The following GPAM variants were observed in gnomAD, a reference collection of about 807,000 sequenced individuals.
GPAM encodes glycerol-3-phosphate acyltransferase 1, mitochondrial.
Under a neutral mutation model 105.0 loss-of-function variants are expected in GPAM, and 56 were observed. That is an observed-to-expected ratio of 0.53 (90% CI 0.43 to 0.67). The LOEUF is 0.67. Among genes scored for constraint, GPAM ranks in the 30% least tolerant of loss-of-function variants. GPAM has a pLI of 0.00. For missense variants in GPAM, 855 were observed against 989.8 expected (o/e 0.86, Z 1.83); for synonymous variants, 368 against 354.4 (o/e 1.04, Z -0.43).
intron 18 of GPAM, 103 bp from the exon 19 acceptor site, chr10:112,157,492 G>C: frequency 9.6e-7 from 1 of 1,038,414 alleles, no homozygotes; most frequent in Non-Finnish European, 1.5e-6. Flanking sequence ...ACCCTTCCTG[G>C]CTCTTCTCTG....
chr10:112,191,917 T>C lies in GPAM; in HGVS notation n.211-9026A>G, dbSNP rs1043414606. 3.3e-5 allele frequency among the ~76,000 whole-genome samples: 5 copies of C among 151,986 alleles called. No homozygotes were observed. The East Asian group carries it at 9.7e-4, about 29-fold the overall frequency. On this transcript the variant is annotated intron_variant and non_coding_transcript_variant, in intron 1 of 3. Transcript: ENST00000480130. Reference sequence around the variant, plus strand: ...AAAAAGGGTGAAGATGGGGGGACTGTGAAGAATGACAGTCCAGCACCTTAG... The same window carrying C: ...AAAAAGGGTGAAGATGGGGGGACTGCGAAGAATGACAGTCCAGCACCTTAG...
chr10:112,215,653 C>CACAGCTTGAGTGTTCACATGGGGCAT (rs1847959824), upstream of GPAM, among the ~76,000 whole-genome samples: 1 of 152,106 alleles, frequency 6.6e-6, no homozygotes. Context: ...CGGAGGTGTC[C>CACAGCTTGAGTGTTCACATGGGGCAT]ACAGCTTGAG....
chr10:112,207,061 C>G (rs967852529), intron 1 of GPAM, among the ~76,000 whole-genome samples: 5 of 152,208 alleles, frequency 3.3e-5, no homozygotes, highest in African/African-American at 1.2e-4. Flanking sequence ...GTTTCTCAAA[C>G]TCAGGTAGAA....
At chr10:112,186,421 C>CAA (rs564478757), upstream of GPAM, among the ~76,000 whole-genome samples, 1 of 143,100 alleles carries the variant, frequency 7.0e-6, no homozygotes, top group Admixed American at 6.9e-5. Flanking sequence ...GTCTTTCAGG[C>CAA]AAAAAAAAAA....
chr10:112,208,849 G>A lies in GPAM; in HGVS notation n.210+6319C>T, dbSNP rs373509616. 4.6e-5 allele frequency among the ~76,000 whole-genome samples: 7 copies of A among 152,166 alleles called. 1 individual carries two copies. The highest frequency in any genetic ancestry group is 2.0e-4 in the Admixed American group (3 of 15,274). ...AGCAGGAAGGATAGACTCTCAAAACGAAGGGAAGTTCCTCAAATTGAATAC... is the reference window on the plus strand; with the variant it reads ...AGCAGGAAGGATAGACTCTCAAAACAAAGGGAAGTTCCTCAAATTGAATAC... On this transcript the variant is annotated intron_variant and non_coding_transcript_variant, in intron 1 of 3. Coordinates refer to the GPAM transcript ENST00000480130.
intron 2 of GPAM, 87 bp downstream of exon 2, chr10:112,182,707 T>C (rs1226922709): frequency 6.6e-6 from 1 of 152,242 alleles, no homozygotes. Flanking sequence ...GTCACTGTTA[T>C]TCTCGGCATA....
At chr10:112,202,588 T>G (rs917330544) in intron 1 of GPAM, among the ~76,000 whole-genome samples, 2 of 152,238 alleles carry the variant, frequency 1.3e-5, no homozygotes, top group Non-Finnish European at 2.9e-5. Context: ...TCAAATAATC[T>G]ATGACATTTT....
chr10:112,226,933 C>A, the GPAM span, among the ~76,000 whole-genome samples: 4 of 151,904 alleles, frequency 2.6e-5, no homozygotes, highest in African/African-American at 9.7e-5. Context: ...CCCTTTAGCA[C>A]AGAGCTTGGT....
At chr10:112,176,581 T>C (rs796871957) in intron 5 of GPAM, among the ~76,000 whole-genome samples, 34 of 152,336 alleles carry the variant, frequency 2.2e-4, no homozygotes, top group African/African-American at 7.5e-4. Flanking sequence ...TGCCATTCTC[T>C]TTTTCTTCCT....
At chr10:112,195,148 A>G (rs904537376) in intron 1 of GPAM, among the ~76,000 whole-genome samples, 2 of 152,058 alleles carry the variant, frequency 1.3e-5, no homozygotes, top group East Asian at 1.9e-4. Context: ...ACCATGCCAA[A>G]TACCCCCATA....
chr10:112,224,643 C>T, the GPAM span, among the ~76,000 whole-genome samples: 1 of 152,058 alleles, frequency 6.6e-6, no homozygotes, highest in Non-Finnish European at 1.5e-5. Flanking sequence ...GGGAAGGCAA[C>T]CTTGACATTT....
At chr10:112,161,468 G>A (rs1847121729) in intron 15 of GPAM, among the ~76,000 whole-genome samples, 199 bp downstream of exon 15, 1 of 152,174 alleles carries the variant, frequency 6.6e-6, no homozygotes, top group Non-Finnish European at 1.5e-5. Context: ...TAAGCAGTCT[G>A]TTTTGTTTTG....
rs1216153554 is a variant in GPAM, at chr10:112,182,786, C to T, written c.-30+8G>A. The T allele has an allele frequency of 6.6e-6, 1 of 152,164 alleles. No homozygotes were observed. The highest frequency in any genetic ancestry group is 2.4e-5 in the African/African-American group (1 of 41,434). 9.4% of individuals were successfully genotyped at this position (152,164 alleles called of 1,614,324 possible). A position where few individuals can be genotyped will look rare whatever the true frequency, so the allele number is the denominator to read the frequency against. ...TAACAGGCTAGGGGAGAGAATAAACCAATGCACCTGGGATGAAAGTTCTTC... is the reference window on the plus strand; with the variant it reads ...TAACAGGCTAGGGGAGAGAATAAACTAATGCACCTGGGATGAAAGTTCTTC... On this transcript the variant is annotated splice_region_variant and intron_variant, in intron 2 of 21. Transcript: ENST00000348367.
intron 1 of GPAM, chr10:112,214,273 CTGAAA>C (rs1847945256): frequency 6.6e-6 from 1 of 152,174 alleles, no homozygotes; most frequent in Admixed American, 6.5e-5. Context: ...ATTTCTTAAC[CTGAAA>C]TGCATATAGG....
At chr10:112,195,154 C>G (rs1269907844) in intron 1 of GPAM, among the ~76,000 whole-genome samples, 1 of 152,042 alleles carries the variant, frequency 6.6e-6, no homozygotes, top group African/African-American at 2.4e-5. Context: ...CCAAATACCC[C>G]CATACACATC....
chr10:112,178,326 G>C (rs2133262926), intron 4 of GPAM, among the ~76,000 whole-genome samples: 1 of 152,266 alleles, frequency 6.6e-6, no homozygotes, highest in Middle Eastern at 3.4e-3. Context: ...GAAGCGGGCA[G>C]ATCACCTGAG....
intron 16 of GPAM, chr10:112,160,271 CT>C (rs1847098975): frequency 4.1e-6 from 2 of 491,906 alleles, no homozygotes; most frequent in East Asian, 1.5e-4. Flanking sequence ...CTCTTCTCTC[CT>C]TCCTCTCTTT....
intron 6 of GPAM, among the ~76,000 whole-genome samples, chr10:112,175,300 AG>A (rs1343115040): frequency 6.6e-6 from 1 of 152,224 alleles, no homozygotes; most frequent in Non-Finnish European, 1.5e-5. Context: ...TACAGAAAGC[AG>A]AGAACTCTGG....
chr10:112,160,449 T>A (rs1847101542), intron 16 of GPAM, 155 bp downstream of exon 16: 1 of 687,720 alleles, frequency 1.5e-6, no homozygotes, highest in Non-Finnish European at 1.8e-6. Flanking sequence ...AACAGTGATA[T>A]AACAGGAGAT....
Sources: gnomAD v4.1 joint callset for allele counts (sites outside exome capture counted in the v4.1 genomes callset) on GRCh38, gnomAD v4.1.1 for gene constraint, MANE v1.5 for transcripts, NCBI Gene and HGNC (gene_info 2026-07-23, HGNC 2026-07-21) for gene names.